MTMR7: variants seen among roughly 807,000 people sequenced by gnomAD.
The protein encoded by MTMR7 is myotubularin related protein 7.
A neutral mutation model predicts 81.2 loss-of-function variants in MTMR7; 76 were observed. That is an observed-to-expected ratio of 0.94 (90% CI 0.78 to 1.13). The LOEUF (loss-of-function observed/expected upper bound fraction) is 1.13. MTMR7 is among the 50% of genes most tolerant of loss of function. MTMR7 has a pLI of 0.00. For synonymous variants in MTMR7, 372 were observed against 289.8 expected (o/e 1.28, Z -2.88); for missense variants, 1,044 against 820.0 (o/e 1.27, Z -3.34).
rs1212031386 is a variant in MTMR7 at position 17,313,357 on chromosome 8, G to T, written c.910C>A (p.Leu304Met). 1 of 1,612,696 alleles carries T rather than the reference G, an allele frequency of 6.2e-7. No individual in the cohort carries two copies. The highest frequency in any genetic ancestry group is 1.3e-5 in the African/African-American group (1 of 74,910). Residue 304 changes from leucine to methionine, a missense_variant, in exon 8 of 14, where the codon CTG becomes ATG. Physicochemically the swap from Leu to Met is conservative, Grantham distance 15. Transcript: ENST00000180173. ...SPSMSDFLWG[L>M]ENSGWLRHIK... ...TGCCTTAACCAGCCAGAGTTCTCCAGACCCCACAGGAAATCACTCATGGAG... is the reference window on the plus strand; with the variant it reads ...TGCCTTAACCAGCCAGAGTTCTCCATACCCCACAGGAAATCACTCATGGAG...
Position 17,299,465 on chromosome 8 carries a change from T to C in MTMR7, c.*397A>G, listed in dbSNP as rs1816954137. 1.2e-5 allele frequency: 2 copies of C among 166,256 alleles called. No homozygotes were observed. The highest frequency in any genetic ancestry group is 1.1e-4 in the Admixed American group (2 of 17,650). The allele number at this position is 166,256 out of a possible 1,614,324, so 10.3% of individuals were successfully genotyped here. A position where few individuals can be genotyped will look rare whatever the true frequency, so the allele number is the denominator to read the frequency against. ...CAGATGCTTTAGAAAACACAAAATA[T>C]GCATCTAGAAGTGAACTAAAAGAAT... On this transcript the variant is annotated 3_prime_UTR_variant, in exon 14 of 14. Coordinates refer to ENST00000180173, the MANE Select transcript of MTMR7 (RefSeq NM_004686.5).
intron 1 of MTMR7, among the ~76,000 whole-genome samples, chr8:17,378,200 CA>C (rs1218171802): frequency 1.3e-5 from 2 of 151,732 alleles, no homozygotes; most frequent in East Asian, 1.9e-4. Flanking sequence ...CCAGAGCTGT[CA>C]AAAGTAATTT....
intron 1 of MTMR7, among the ~76,000 whole-genome samples, chr8:17,376,438 A>G (rs1238854581): frequency 2.6e-5 from 4 of 152,180 alleles, no homozygotes; most frequent in Non-Finnish European, 5.9e-5. Context: ...GCTTTCATTT[A>G]TCTTGGCTAT....
rs755222979 is a variant in MTMR7, at chr8:17,349,028, G to A, written c.522C>T (p.His174=). ...ELYVPKSATA[H]IIVGSSKFRS... ...GGAATTTGGAACTCCCCACTATGAT[G>A]TGTGCCGTGGCCGATTTGGGAACGT... The change falls in exon 5 of 14, where the codon CAC becomes CAT. Residue 174 remains histidine (H), a synonymous_variant. Coordinates refer to ENST00000180173, the MANE Select transcript of MTMR7 (RefSeq NM_004686.5). The A allele has an allele frequency of 6.2e-7, 1 of 1,613,024 alleles. No individual in the cohort carries two copies. Among genetic ancestry groups the A allele is most frequent in the South Asian group, 1.1e-5 (1 of 90,976 alleles).
chr8:17,386,851 C>T (rs1416300076), intron 1 of MTMR7, among the ~76,000 whole-genome samples: 1 of 152,214 alleles, frequency 6.6e-6, no homozygotes, highest in Admixed American at 6.5e-5. Flanking sequence ...AACATACAAA[C>T]TGAGCATAGA....
chr8:17,340,361 C>T (rs1380711692), intron 6 of MTMR7, among the ~76,000 whole-genome samples: 2 of 152,252 alleles, frequency 1.3e-5, no homozygotes, highest in African/African-American at 4.8e-5. Context: ...ACTGGACGTT[C>T]ATCTTTCTCC....
chr8:17,380,861 A>G (rs573043891), intron 1 of MTMR7, among the ~76,000 whole-genome samples: 1 of 152,298 alleles, frequency 6.6e-6, no homozygotes, highest in South Asian at 2.1e-4. Flanking sequence ...TTAAGACAAA[A>G]TTATACTGTA....
At chr8:17,354,994 G>A (rs965026105) in intron 4 of MTMR7, among the ~76,000 whole-genome samples, 3 of 151,578 alleles carry the variant, frequency 2.0e-5, no homozygotes, top group Non-Finnish European at 4.4e-5. Flanking sequence ...GCTGTGTGTT[G>A]CTTCTGAAAA....
chr8:17,350,790 G>A (rs755257157), intron 4 of MTMR7, among the ~76,000 whole-genome samples: 1 of 152,182 alleles, frequency 6.6e-6, no homozygotes, highest in African/African-American at 2.4e-5. Flanking sequence ...AAACTACATA[G>A]AGCAGGGAAT....
In MTMR7 at chr8:17,314,540, T is replaced by C. The variant is rs565779403; in HGVS notation, c.866-1139A>G. On this transcript the variant is annotated intron_variant, in intron 7 of 13. Coordinates refer to ENST00000180173, the MANE Select transcript of MTMR7 (RefSeq NM_004686.5). Reference sequence around the variant, plus strand: ...TCACATAGCAGCATTAACAAAAATATTAATTTATCAGATGCCCTGCCTCCA... The same window carrying C: ...TCACATAGCAGCATTAACAAAAATACTAATTTATCAGATGCCCTGCCTCCA... Among the ~76,000 whole-genome samples the C allele has an allele frequency of 2.0e-5, 3 of 152,268 alleles. No individual in the cohort carries two copies. The East Asian group carries it at 5.8e-4, about 29-fold the overall frequency.
chr8:17,346,366 T>C (rs1284732468), intron 5 of MTMR7, among the ~76,000 whole-genome samples: 2 of 152,164 alleles, frequency 1.3e-5, no homozygotes, highest in East Asian at 1.9e-4. Flanking sequence ...CTCTGTTCTG[T>C]ACCTTGGAAG....
intron 6 of MTMR7, 39 bp from the exon 7 acceptor site, chr8:17,331,321 T>C (rs199594288): frequency 3.9e-5 from 61 of 1,544,574 alleles, no homozygotes; most frequent in South Asian, 2.2e-4. Context: ...ATCAATTACA[T>C]TGATGAAACA....
chr8:17,379,681 G>C (rs527626361), intron 1 of MTMR7, among the ~76,000 whole-genome samples: 1 of 152,170 alleles, frequency 6.6e-6, no homozygotes, highest in African/African-American at 2.4e-5. Flanking sequence ...AATATAACAG[G>C]AAGAGAAGAA....
chr8:17,396,844 G>A (rs1394873602), intron 1 of MTMR7, among the ~76,000 whole-genome samples: 1 of 151,802 alleles, frequency 6.6e-6, no homozygotes, highest in Non-Finnish European at 1.5e-5. Context: ...AGAGCAAAGA[G>A]TAAAAAGGAC....
intron 3 of MTMR7, among the ~76,000 whole-genome samples, chr8:17,369,000 A>G (rs1316519159): frequency 6.6e-6 from 1 of 152,190 alleles, no homozygotes; most frequent in Non-Finnish European, 1.5e-5. Flanking sequence ...GGCACTCGCT[A>G]TCTCTGGGCC....
intron 3 of MTMR7, among the ~76,000 whole-genome samples, chr8:17,363,733 C>A (rs1820128687): frequency 6.6e-6 from 1 of 152,072 alleles, no homozygotes; most frequent in Admixed American, 6.5e-5. Flanking sequence ...TACCCACAGG[C>A]AAGCCCAGAT....
intron 1 of MTMR7, among the ~76,000 whole-genome samples, chr8:17,403,561 T>C (rs888408776): frequency 8.5e-5 from 13 of 152,212 alleles, no homozygotes; most frequent in African/African-American, 3.1e-4. Context: ...CTATTCTGGG[T>C]CTTTTGTTAC....
intron 4 of MTMR7, among the ~76,000 whole-genome samples, chr8:17,359,183 C>A (rs1819986999): frequency 6.6e-6 from 1 of 152,094 alleles, no homozygotes; most frequent in African/African-American, 2.4e-5. Context: ...CAGGCATGAG[C>A]CACCATGCCT....
intron 3 of MTMR7, 33 bp downstream of exon 3, chr8:17,371,004 T>C (rs1820401942): frequency 6.3e-7 from 1 of 1,595,110 alleles, no homozygotes; most frequent in Non-Finnish European, 8.5e-7. Flanking sequence ...TTAAGAGAGG[T>C]TCCATATTAA....
Sources: allele counts gnomAD v4.1 joint callset (sites outside exome capture counted in the v4.1 genomes callset), GRCh38; gene constraint gnomAD v4.1.1; transcripts MANE v1.5; gene names NCBI Gene and HGNC (gene_info 2026-07-23, HGNC 2026-07-21).